The following ACVR1 variants were observed in gnomAD, a reference collection of about 807,000 sequenced individuals.
The protein encoded by ACVR1 is activin receptor type-1.
Under a neutral mutation model 57.1 loss-of-function variants are expected in ACVR1, and 38 were observed. The observed-to-expected ratio is 0.67, with a 90% confidence interval of 0.51 to 0.87. ACVR1 has a LOEUF of 0.87. Among genes scored for constraint, ACVR1 ranks in the 40% least tolerant of loss-of-function variants. The probability of loss-of-function intolerance (pLI) is 0.00; values close to 1 mark genes in which losing one functional copy is unlikely to be tolerated. For missense variants in ACVR1, 463 were observed against 638.2 expected, an observed-to-expected ratio of 0.73 and a Z score of 2.96; for synonymous variants, 212 against 228.1, an observed-to-expected ratio of 0.93 and a Z score of 0.63.
At chr2:157,785,240 T>C (rs1686671408) in intron 3 of ACVR1, among the ~76,000 whole-genome samples, 2 of 152,228 alleles carry the variant, frequency 1.3e-5, no homozygotes, top group South Asian at 2.1e-4. Flanking sequence ...ACTGTAATTA[T>C]AAAAGTCCAA....
At chr2:157,820,595 T>C (rs1688129589) in intron 1 of ACVR1, among the ~76,000 whole-genome samples, 1 of 151,758 alleles carries the variant, frequency 6.6e-6, no homozygotes, top group Non-Finnish European at 1.5e-5. Flanking sequence ...TTTCTCATTA[T>C]AAAGGTGCTA....
chr2:157,845,693 G>A (rs1689109304), intron 1 of ACVR1, among the ~76,000 whole-genome samples: 1 of 152,034 alleles, frequency 6.6e-6, no homozygotes, highest in Non-Finnish European at 1.5e-5. Flanking sequence ...AAAAGTCAGA[G>A]CAAGCAAAGA....
At chr2:157,799,274 A>G (rs1219302057) in intron 3 of ACVR1, among the ~76,000 whole-genome samples, 153 bp downstream of exon 3, 2 of 152,184 alleles carry the variant, frequency 1.3e-5, no homozygotes, top group Non-Finnish European at 2.9e-5. Context: ...TATAATGTAT[A>G]TAAGAATTTC....
At chr2:157,848,001 T>C (rs1363935650) in intron 1 of ACVR1, among the ~76,000 whole-genome samples, 1 of 152,158 alleles carries the variant, frequency 6.6e-6, no homozygotes, top group Non-Finnish European at 1.5e-5. Flanking sequence ...AAGGAGAGTT[T>C]GAGAAACTAT....
At chr2:157,759,259 C>T (rs1450631994) in intron 9 of ACVR1, among the ~76,000 whole-genome samples, 9 of 151,694 alleles carry the variant, frequency 5.9e-5, no homozygotes, top group Non-Finnish European at 8.8e-5. Flanking sequence ...AACCAAGAAA[C>T]AAGGAGAGAA....
intron 2 of ACVR1, among the ~76,000 whole-genome samples, chr2:157,808,084 C>T (rs1380744141): frequency 6.6e-6 from 1 of 152,038 alleles, no homozygotes; most frequent in East Asian, 1.9e-4. Context: ...TCACCCACCC[C>T]CATAAACTAT....
At position 157,785,600 on chromosome 2, in the gene ACVR1, C is replaced by T. The variant is rs186278277; in HGVS notation, c.68-5000G>A. ...AGGCTATACATTCAGGGATAAAATA[C>T]ACCCAGTGCCTAAATAATCTCTCAT... On this transcript the variant is annotated intron_variant, in intron 3 of 10. Coordinates refer to ENST00000434821, the MANE Select transcript of ACVR1 (RefSeq NM_001111067.4). 2.0e-5 allele frequency among the ~76,000 whole-genome samples: 3 copies of T among 152,290 alleles called. No homozygotes were observed. In the East Asian group the frequency reaches 5.8e-4, roughly 29 times the overall value.
At chr2:157,749,588 G>T (rs1389715127) in intron 9 of ACVR1, among the ~76,000 whole-genome samples, 1 of 152,174 alleles carries the variant, frequency 6.6e-6, no homozygotes, top group Non-Finnish European at 1.5e-5. Flanking sequence ...AAACTCCCTT[G>T]TGAGAAGAAC....
intron 1 of ACVR1, among the ~76,000 whole-genome samples, chr2:157,847,827 G>A (rs1247477009): frequency 2.0e-5 from 3 of 152,190 alleles, no homozygotes; most frequent in African/African-American, 7.2e-5. Flanking sequence ...TTTGAACTGG[G>A]GAGGGGGCGA....
At position 157,755,711 on chromosome 2, in the gene ACVR1, A is replaced by G. The variant is rs1574024124; in HGVS notation, c.1264+5169T>C. The stretch of plus-strand genomic sequence containing the variant: ...TATCCCATGCTCATGGATAGGTAGA[A>G]TCAATATTGTGAAAGTAACCATAAT... On this transcript the variant is annotated intron_variant, in intron 9 of 10. Transcript: ENST00000434821. 2.0e-5 allele frequency among the ~76,000 whole-genome samples: 3 copies of G among 152,288 alleles called. No homozygotes were observed. In the East Asian group the frequency reaches 5.8e-4, roughly 29 times the overall value.
intron 1 of ACVR1, among the ~76,000 whole-genome samples, chr2:157,823,245 T>C (rs963043921): frequency 1.3e-5 from 2 of 152,228 alleles, no homozygotes; most frequent in African/African-American, 2.4e-5. Flanking sequence ...TCTACTGTCA[T>C]TGTGTTGACT....
chr2:157,834,795 C>T (rs903517204), intron 1 of ACVR1, among the ~76,000 whole-genome samples: 2 of 152,144 alleles, frequency 1.3e-5, no homozygotes, highest in Non-Finnish European at 2.9e-5. Flanking sequence ...GTGAGGCTTT[C>T]GGAGGTGATT....
At chr2:157,772,952 T>C (rs1686128129) in intron 6 of ACVR1, among the ~76,000 whole-genome samples, 1 of 152,210 alleles carries the variant, frequency 6.6e-6, no homozygotes. Flanking sequence ...TCCCCGTTTC[T>C]ACTACTCAGA....
chr2:157,838,564 T>C (rs889783839), intron 1 of ACVR1, among the ~76,000 whole-genome samples: 2 of 152,216 alleles, frequency 1.3e-5, no homozygotes, highest in African/African-American at 4.8e-5. Context: ...TGTGGCGCCA[T>C]TAAACCCAGA....
chr2:157,855,304 G>GTATA lies in ACVR1; in HGVS notation c.-183+20491_-183+20492insTATA, dbSNP rs1409524698. On this transcript the variant is annotated intron_variant, in intron 1 of 10. Coordinates refer to ENST00000434821, the MANE Select transcript of ACVR1 (RefSeq NM_001111067.4). ...TGTGTGTGTGTGTGTGTGTGTGTGT[G>GTATA]TGTGTATATATATATATATACACAC... 1.8e-4 allele frequency among the ~76,000 whole-genome samples: 11 copies of GTATA among 61,722 alleles called. No individual in the cohort carries two copies. In the East Asian group the frequency reaches 4.6e-3, roughly 26 times the overall value. 40.5% of individuals were successfully genotyped at this position (61,722 alleles called of 152,430 possible).
intron 1 of ACVR1, among the ~76,000 whole-genome samples, chr2:157,848,058 A>G (rs1233351797): frequency 6.6e-6 from 1 of 152,238 alleles, no homozygotes; most frequent in East Asian, 1.9e-4. Flanking sequence ...AATGTAATGT[A>G]ACCTGGGTGA....
At chr2:157,796,649 A>C (rs1422674598) in intron 3 of ACVR1, among the ~76,000 whole-genome samples, 1 of 152,150 alleles carries the variant, frequency 6.6e-6, no homozygotes, top group African/African-American at 2.4e-5. Flanking sequence ...TTAGTTCTCA[A>C]TATTCCTTAG....
chr2:157,843,029 A>C (rs1184062070), intron 1 of ACVR1, among the ~76,000 whole-genome samples: 1 of 152,202 alleles, frequency 6.6e-6, no homozygotes, highest in Non-Finnish European at 1.5e-5. Context: ...TTTAACACTA[A>C]TAATTAAACC....
intron 9 of ACVR1, among the ~76,000 whole-genome samples, chr2:157,747,332 A>G (rs1464638890): frequency 6.6e-6 from 1 of 152,196 alleles, no homozygotes; most frequent in African/African-American, 2.4e-5. Flanking sequence ...TTGACCTATT[A>G]AGTCTACTTA....
Sources: allele counts gnomAD v4.1 joint callset (sites outside exome capture counted in the v4.1 genomes callset), GRCh38; gene constraint gnomAD v4.1.1; transcripts MANE v1.5; gene names NCBI Gene and HGNC (gene_info 2026-07-23, HGNC 2026-07-21).